The following GTPBP4 variants were observed in gnomAD, a reference collection of about 807,000 sequenced individuals.
The protein encoded by GTPBP4 is GTP binding protein 4, also known as GTP-binding protein 4.
Under a neutral mutation model 81.7 loss-of-function variants are expected in GTPBP4, and 15 were observed. The ratio of observed to expected loss-of-function variants is 0.18; its 90% CI spans 0.12 to 0.28. The LOEUF (loss-of-function observed/expected upper bound fraction) is 0.28, where lower values mean the gene tolerates loss of function less well. Among genes scored for constraint, GTPBP4 ranks in the 10% least tolerant of loss-of-function variants. The pLI is 1.00. For synonymous variants in GTPBP4, 272 were observed against 274.6 expected, an observed-to-expected ratio of 0.99 and a Z score of 0.09; for missense variants, 847 against 793.8, an observed-to-expected ratio of 1.07 and a Z score of -0.81.
chr10:999,302 G>A (rs1261858434), intron 6 of GTPBP4, among the ~76,000 whole-genome samples: 2 of 152,060 alleles, frequency 1.3e-5, no homozygotes, highest in African/African-American at 4.8e-5. Flanking sequence ...TGTTTTTTTA[G>A]TAGAGAGGGG....
At chr10:1,012,725 C>A in intron 14 of GTPBP4, 63 bp downstream of exon 14, 1 of 1,140,800 alleles carries the variant, frequency 8.8e-7, no homozygotes, top group Non-Finnish European at 1.3e-6. Flanking sequence ...CCTGTGTGAT[C>A]ATTGCTAAAT....
chr10:1,001,788 A>G (rs1831638437), intron 8 of GTPBP4, among the ~76,000 whole-genome samples: 1 of 151,332 alleles, frequency 6.6e-6, no homozygotes, highest in Non-Finnish European at 1.5e-5. Context: ...AAAATTGATG[A>G]GATTTGTTTT....
chr10:1,002,723 G>A (rs962251607), intron 8 of GTPBP4, among the ~76,000 whole-genome samples: 2 of 152,062 alleles, frequency 1.3e-5, no homozygotes, highest in African/African-American at 4.8e-5. Flanking sequence ...TCAACACTTT[G>A]AATATATATC....
intron 5 of GTPBP4, among the ~76,000 whole-genome samples, chr10:998,481 C>T (rs374802108): frequency 2.2e-4 from 33 of 152,376 alleles, no homozygotes; most frequent in African/African-American, 7.9e-4. Flanking sequence ...CAGCAAAGCT[C>T]TGCAGGGTCC....
At chr10:1,006,528 C>T (rs902864535) in intron 9 of GTPBP4, among the ~76,000 whole-genome samples, 6 of 152,104 alleles carry the variant, frequency 3.9e-5, no homozygotes, top group African/African-American at 7.2e-5. Flanking sequence ...ATCCCAGCTA[C>T]TCGGGAGGCT....
intron 1 of GTPBP4, among the ~76,000 whole-genome samples, chr10:991,233 A>G (rs1209402053): frequency 2.6e-5 from 4 of 152,268 alleles, no homozygotes; most frequent in Non-Finnish European, 5.9e-5. Context: ...AGGAAGGGAC[A>G]GTATCTTGTT....
intron 9 of GTPBP4, among the ~76,000 whole-genome samples, chr10:1,006,351 A>G (rs144110199): frequency 1.0e-3 from 156 of 152,342 alleles, no homozygotes; most frequent in African/African-American, 3.6e-3. Context: ...ATAAAAGGAC[A>G]TTTCTGGCCA....
Position 992,586 on chromosome 10 carries a change from G to A in GTPBP4, c.146G>A (p.Arg49Lys). Residue 49 changes from arginine (R) to lysine (K), a missense_variant, in exon 2 of 17, where the codon AGA becomes AAA. By Grantham distance (26) the Arg-to-Lys change is conservative. Transcript: ENST00000360803. The stretch of plus-strand genomic sequence containing the variant: ...CATCGCATTAGACATTTTTACATGA[G>A]AAAAGTCAAATTTACTCAACAGAAT... ...QIHRIRHFYM[R>K]KVKFTQQNYH... 1 of 1,603,266 alleles carries A rather than the reference G, an allele frequency of 6.2e-7. No homozygotes were observed. The highest frequency in any genetic ancestry group is 8.5e-7 in the Non-Finnish European group (1 of 1,170,632).
chr10:1,013,176 GT>G (rs1014581060), intron 14 of GTPBP4, among the ~76,000 whole-genome samples: 2 of 152,058 alleles, frequency 1.3e-5, no homozygotes, highest in South Asian at 4.2e-4. Flanking sequence ...TGGAGATGGG[GT>G]TTCACCATGT....
intron 3 of GTPBP4, 34 bp downstream of exon 3, chr10:996,066 T>TA: frequency 6.4e-7 from 1 of 1,560,034 alleles, no homozygotes; most frequent in Non-Finnish European, 8.7e-7. Context: ...TCTTTTAAGT[T>TA]ATCGAAAGTG....
intron 12 of GTPBP4, 111 bp from the exon 13 acceptor site, chr10:1,010,308 TC>T (rs1317175374): frequency 6.0e-6 from 4 of 662,902 alleles, no homozygotes; most frequent in Non-Finnish European, 2.7e-6. Context: ...CGTCGTGCTC[TC>T]TTCTGCAGTG....
At chr10:996,492 G>A (rs184232764) in intron 4 of GTPBP4, 9 of 301,124 alleles carry the variant, frequency 3.0e-5, no homozygotes, top group Non-Finnish European at 4.8e-5. Flanking sequence ...AAAAAGTCAC[G>A]AGAAAATACT....
At chr10:996,711 A>G (rs1444630749) in intron 4 of GTPBP4, 1 of 156,626 alleles carries the variant, frequency 6.4e-6, no homozygotes, top group Non-Finnish European at 1.4e-5. Flanking sequence ...TTTTTAACAA[A>G]ATTTGTGATA....
rs1831811962 is a variant in GTPBP4 at position 1,009,567 on chromosome 10, T to C, written c.1230T>C (p.Ile410=). Residue 410 remains isoleucine, a synonymous_variant, in exon 12 of 17, where the codon ATT becomes ATC. Transcript: ENST00000360803. Reference sequence around the variant, plus strand: ...AGCTGGAAATGGGAGATGATTATATTTTGGATCTTCAGAGTAAGGGCCAGA... The same window carrying C: ...AGCTGGAAATGGGAGATGATTATATCTTGGATCTTCAGAGTAAGGGCCAGA... ...DLELEMGDDY[I]LDLQKYWDLM... 1.9e-6 allele frequency: 3 copies of C among 1,595,122 alleles called. No homozygotes were observed. The East Asian group carries it at 6.7e-5, about 36-fold the overall frequency.
chr10:1,019,327 T>C lies in GTPBP4; in HGVS notation c.*2100T>C, dbSNP rs1489806405. 3.6e-6 allele frequency: 2 copies of C among 551,882 alleles called. No individual in the cohort carries two copies. The highest frequency in any genetic ancestry group is 6.4e-6 in the Non-Finnish European group (2 of 313,988). 34.2% of individuals were successfully genotyped at this position (551,882 alleles called of 1,614,324 possible). ...TCCCTGCAACCAGGCAGATGAGAAA[T>C]ATGGAAATAAGGAAAAGGGAAAATG... On this transcript the variant is annotated 3_prime_UTR_variant, in exon 17 of 17. Coordinates refer to ENST00000360803, the MANE Select transcript of GTPBP4 (RefSeq NM_012341.3).
At chr10:1,012,438 T>C (rs758297106) in intron 13 of GTPBP4, 27 bp from the exon 14 acceptor site, 21 of 1,496,604 alleles carry the variant, frequency 1.4e-5, no homozygotes, top group Non-Finnish European at 1.8e-5. Context: ...TTGTTAATTT[T>C]GCTTCATTAC....
chr10:1,016,287 G>A (rs1162948365), intron 16 of GTPBP4, among the ~76,000 whole-genome samples: 1 of 152,246 alleles, frequency 6.6e-6, no homozygotes, highest in Non-Finnish European at 1.5e-5. Context: ...TTGATTGGCG[G>A]GTGATCCTGC....
rs771550980 is a variant in GTPBP4, at chr10:1,014,211, T to G, written c.1543-36T>G. Reference sequence around the variant, plus strand: ...AGTTTTTTTCAACATTTCATCAAACTAATTTAAAGCTAATATTTCTTTTTA... The same window carrying G: ...AGTTTTTTTCAACATTTCATCAAACGAATTTAAAGCTAATATTTCTTTTTA... On this transcript the variant is annotated intron_variant, in intron 14 of 16. Coordinates refer to ENST00000360803, the MANE Select transcript of GTPBP4 (RefSeq NM_012341.3). 24 of 1,334,186 alleles carry G rather than the reference T, an allele frequency of 1.8e-5. No homozygotes were observed. In the East Asian group the frequency reaches 2.5e-4, roughly 14 times the overall value. The allele number at this position is 1,334,186 out of a possible 1,614,324, so 82.6% of individuals were successfully genotyped here. A position where few individuals can be genotyped will look rare whatever the true frequency, so the allele number is the denominator to read the frequency against.
chr10:988,862 C>A (rs1213525039), intron 1 of GTPBP4: 1 of 276,482 alleles, frequency 3.6e-6, no homozygotes, highest in Non-Finnish European at 6.9e-6. Flanking sequence ...GGGACCCCGA[C>A]ATGTGAGGGA....
Sources: allele counts gnomAD v4.1 joint callset (sites outside exome capture counted in the v4.1 genomes callset), GRCh38; gene constraint gnomAD v4.1.1; transcripts MANE v1.5; gene names NCBI Gene and HGNC (gene_info 2026-07-23, HGNC 2026-07-21).